The following GSK3B variants were observed in gnomAD, a reference collection of about 807,000 sequenced individuals.
GSK3B encodes the protein glycogen synthase kinase-3 beta.
Under a neutral mutation model 56.4 loss-of-function variants are expected in GSK3B, and 15 were observed. The ratio of observed to expected loss-of-function variants is 0.27; its 90% CI spans 0.18 to 0.41. The LOEUF is 0.41. Ranked by LOEUF, GSK3B falls within the 10% of genes least tolerant of loss-of-function variation. The pLI, the probability that GSK3B is intolerant of heterozygous loss-of-function variation, is 1.00. For synonymous variants in GSK3B, 181 were observed against 188.9 expected (o/e 0.96, Z 0.34); for missense variants, 300 against 513.4 (o/e 0.58, Z 4.02).
rs1245384195 is a variant in GSK3B, at chr3:120,014,830, T to A, written c.89-12591A>T. 2.0e-5 allele frequency among the ~76,000 whole-genome samples: 3 copies of A among 152,242 alleles called. No individual in the cohort carries two copies. The East Asian group carries it at 5.8e-4, about 29-fold the overall frequency. ...AGGCTGGCTTCCGGAGATGTTTACT[T>A]GTTTATCACTTTTAGAAATGAAAAG... On this transcript the variant is annotated intron_variant, in intron 1 of 10. Transcript: ENST00000264235.
intron 1 of GSK3B, among the ~76,000 whole-genome samples, chr3:120,080,264 C>A (rs546079401): frequency 4.0e-5 from 6 of 151,772 alleles, no homozygotes; most frequent in South Asian, 4.2e-4. Flanking sequence ...GTACTACAAT[C>A]TGATAAACAG....
intron 1 of GSK3B, chr3:120,028,598 C>G: frequency 3.4e-6 from 1 of 290,360 alleles, no homozygotes; most frequent in Non-Finnish European, 6.9e-6. Context: ...GATCAGCAAA[C>G]TCCACTTTCT....
At chr3:119,826,986 A>G (rs2055520869) in intron 10 of GSK3B, 131 bp from the exon 11 acceptor site, 3 of 635,110 alleles carry the variant, frequency 4.7e-6, no homozygotes, top group East Asian at 2.6e-5. Context: ...GTTGTTTTAA[A>G]TAAGGCCAAC....
chr3:119,865,720 C>T (rs901088390), intron 8 of GSK3B, among the ~76,000 whole-genome samples: 15 of 151,730 alleles, frequency 9.9e-5, no homozygotes, highest in East Asian at 5.8e-4. Context: ...CCGCCCGCCT[C>T]GGCCTCCCAA....
chr3:119,867,987 C>T (rs1435439476), intron 8 of GSK3B, among the ~76,000 whole-genome samples: 4 of 151,742 alleles, frequency 2.6e-5, no homozygotes, highest in Non-Finnish European at 5.9e-5. Flanking sequence ...ACAATTAGTA[C>T]GCAGACTAAA....
intron 4 of GSK3B, among the ~76,000 whole-genome samples, chr3:119,916,382 T>G (rs1447365557): frequency 6.6e-6 from 1 of 152,202 alleles, no homozygotes; most frequent in African/African-American, 2.4e-5. Context: ...ATTAACCATA[T>G]GTACTATTCG....
intron 8 of GSK3B, among the ~76,000 whole-genome samples, chr3:119,867,725 G>A (rs2108039419): frequency 6.6e-6 from 1 of 152,244 alleles, no homozygotes; most frequent in East Asian, 1.9e-4. Context: ...CAGTATCTGT[G>A]AACTCCCCTG....
At chr3:120,049,860 C>T (rs552176994) in intron 1 of GSK3B, among the ~76,000 whole-genome samples, 9 of 152,078 alleles carry the variant, frequency 5.9e-5, no homozygotes, top group Non-Finnish European at 1.3e-4. Context: ...ATTCTGCCTT[C>T]GTAGCATAAA....
chr3:119,940,110 T>TGTGTGTGTGTGTGTGTGTG (rs572334273), intron 3 of GSK3B, among the ~76,000 whole-genome samples: 10 of 148,942 alleles, frequency 6.7e-5, no homozygotes, highest in African/African-American at 2.5e-4. Context: ...GTGTGTGTGT[T>TGTGTGTGTGTGTGTGTGTG]TGTGTGTGTG....
At chr3:119,963,625 C>CAAAAAAAAAA (rs774359104) in intron 2 of GSK3B, among the ~76,000 whole-genome samples, 3 of 79,182 alleles carry the variant, frequency 3.8e-5, no homozygotes, top group African/African-American at 8.7e-5. Context: ...TTCTTCCCCA[C>CAAAAAAAAAA]AAAAAAAAAA....
rs72546689 is a variant in GSK3B, at chr3:120,093,517, T to A, written c.-83A>T. On this transcript the variant is annotated 5_prime_UTR_variant, in exon 1 of 11. Coordinates refer to ENST00000264235, the MANE Select transcript of GSK3B (RefSeq NM_001146156.2). The stretch of plus-strand genomic sequence containing the variant: ...TTATGTTGGGGTGTTAGGTTAACGA[T>A]AAATGCAGCATTAAGTTCTCCCACA... 2.3e-5 allele frequency: 20 copies of A among 867,186 alleles called. No homozygotes were observed. The highest frequency in any genetic ancestry group is 4.4e-4 in the Middle Eastern group (2 of 4,500). The allele number at this position is 867,186 out of a possible 1,614,324, so 53.7% of individuals were successfully genotyped here. A position where few individuals can be genotyped will look rare whatever the true frequency, so the allele number is the denominator to read the frequency against.
intron 2 of GSK3B, among the ~76,000 whole-genome samples, chr3:119,971,399 T>C (rs993755370): frequency 3.3e-5 from 5 of 152,052 alleles, no homozygotes; most frequent in African/African-American, 9.7e-5. Context: ...ACCATAAACA[T>C]TTACTTATGC....
At chr3:119,997,419 A>T (rs908304014) in intron 2 of GSK3B, among the ~76,000 whole-genome samples, 1 of 152,210 alleles carries the variant, frequency 6.6e-6, no homozygotes, top group Admixed American at 6.5e-5. Context: ...ATTACTACAC[A>T]TATCTAGATT....
intron 7 of GSK3B, among the ~76,000 whole-genome samples, chr3:119,880,461 G>A (rs1320055196): frequency 6.6e-6 from 1 of 152,044 alleles, no homozygotes; most frequent in East Asian, 1.9e-4. Flanking sequence ...TTATCTTGAT[G>A]TGGTCCCTAT....
Position 120,094,016 on chromosome 3 carries a change from G to A in GSK3B, c.-582C>T, listed in dbSNP as rs199860316. The A allele has an allele frequency of 4.5e-4, 100 of 220,184 alleles. No homozygotes were observed. Among genetic ancestry groups the A allele is most frequent in the Admixed American group, 1.6e-3 (28 of 17,160 alleles). 13.6% of individuals were successfully genotyped at this position (220,184 alleles called of 1,614,324 possible). ...GGGGCCCGGCGAACTAGAGGGCGGC[G>A]GAGTCGCGAGTCAGTCAGAGGCGGG... On this transcript the variant is annotated 5_prime_UTR_variant, in exon 1 of 11. Coordinates refer to ENST00000264235, the MANE Select transcript of GSK3B (RefSeq NM_001146156.2).
At chr3:119,922,702 A>G (rs2056855236) in intron 4 of GSK3B, among the ~76,000 whole-genome samples, 1 of 151,934 alleles carries the variant, frequency 6.6e-6, no homozygotes, top group Non-Finnish European at 1.5e-5. Flanking sequence ...TTATTTCCAT[A>G]AAGGGTTAAA....
intron 9 of GSK3B, among the ~76,000 whole-genome samples, chr3:119,845,405 T>C (rs1266887323): frequency 6.6e-6 from 1 of 152,200 alleles, no homozygotes; most frequent in Non-Finnish European, 1.5e-5. Flanking sequence ...TGACTGTATA[T>C]TTAGAAAACC....
intron 3 of GSK3B, among the ~76,000 whole-genome samples, chr3:119,925,905 A>G (rs1297722796): frequency 1.3e-5 from 2 of 152,174 alleles, no homozygotes; most frequent in Non-Finnish European, 2.9e-5. Flanking sequence ...TCATCATGTT[A>G]CCCTTCTCAT....
At chr3:119,999,776 T>C (rs1326560956) in intron 2 of GSK3B, among the ~76,000 whole-genome samples, 2 of 152,164 alleles carry the variant, frequency 1.3e-5, no homozygotes, top group African/African-American at 2.4e-5. Flanking sequence ...ATGGGAGTGA[T>C]AGAAGAGCTG....
Sources: gnomAD v4.1 joint callset for allele counts (sites outside exome capture counted in the v4.1 genomes callset) on GRCh38, gnomAD v4.1.1 for gene constraint, MANE v1.5 for transcripts, NCBI Gene and HGNC (gene_info 2026-07-23, HGNC 2026-07-21) for gene names.